The following REC114 variants were observed in gnomAD, a reference collection of about 807,000 sequenced individuals.
REC114 encodes the protein meiotic recombination protein REC114.
REC114 carries 27 observed loss-of-function variants against 31.3 expected under a neutral mutation model. That is an observed-to-expected ratio of 0.86 (90% CI 0.64 to 1.19). The LOEUF is 1.19. Ranked by LOEUF, REC114 falls within the 50% of genes most tolerant of loss-of-function variation. REC114 has a pLI of 0.00. For missense variants in REC114, 344 were observed against 326.9 expected (o/e 1.05, Z -0.40); for synonymous variants, 134 against 127.7 (o/e 1.05, Z -0.33).
chr15:73,454,218 T>C (rs1892888479), intron 1 of REC114, among the ~76,000 whole-genome samples: 1 of 152,130 alleles, frequency 6.6e-6, no homozygotes, highest in African/African-American at 2.4e-5. Flanking sequence ...GGTTTATCAG[T>C]GCTAAAGAGA....
chr15:73,443,262 A>G lies in REC114; in HGVS notation c.77A>G (p.Tyr26Cys). The G allele has an allele frequency of 6.4e-7, 1 of 1,574,624 alleles. No individual in the cohort carries two copies. Among genetic ancestry groups the G allele is most frequent in the South Asian group, 1.2e-5 (1 of 85,574 alleles). ...GEAAEWPLQR[Y>C]ARCIPSNTRD... ...GCGGCAGAGTGGCCTCTGCAGCGGT[A>G]CGCCCGCTGCATACCCTCAAACACC... The change falls in exon 1 of 6, where the codon TAC (tyrosine) becomes TGC (cysteine). Residue 26 changes from tyrosine (Y) to cysteine (C), a missense_variant. Coordinates refer to ENST00000331090, the MANE Select transcript of REC114 (RefSeq NM_001042367.2).
intron 2 of REC114, among the ~76,000 whole-genome samples, chr15:73,506,802 C>T (rs1207913814): frequency 6.6e-6 from 1 of 152,104 alleles, no homozygotes; most frequent in Admixed American, 6.6e-5. Flanking sequence ...AGAGAAGGTA[C>T]TTGTATAAAT....
chr15:73,506,511 T>C (rs1356826556), intron 2 of REC114, among the ~76,000 whole-genome samples: 2 of 152,188 alleles, frequency 1.3e-5, no homozygotes, highest in Non-Finnish European at 2.9e-5. Context: ...TGAATGCAAG[T>C]AGAAGTGCTA....
At chr15:73,477,458 C>T (rs545869522) in intron 2 of REC114, among the ~76,000 whole-genome samples, 1 of 152,230 alleles carries the variant, frequency 6.6e-6, no homozygotes, top group South Asian at 2.1e-4. Context: ...GCCCTGTTAC[C>T]TAGGCTGGAG....
intron 1 of REC114, among the ~76,000 whole-genome samples, chr15:73,447,291 G>T (rs1385218145): frequency 6.6e-6 from 1 of 152,202 alleles, no homozygotes; most frequent in Non-Finnish European, 1.5e-5. Context: ...GAGATGTAAA[G>T]GTGTGAGTCA....
intron 4 of REC114, among the ~76,000 whole-genome samples, chr15:73,555,642 A>AG (rs1392209005): frequency 6.6e-6 from 1 of 152,138 alleles, no homozygotes; most frequent in East Asian, 1.9e-4. Flanking sequence ...GGGCTTCCAG[A>AG]GGGCAGGACT....
Position 73,559,732 on chromosome 15 carries a change from C to G in REC114, c.637-20C>G, listed in dbSNP as rs1281255788. On this transcript the variant is annotated intron_variant, in intron 5 of 5. Transcript: ENST00000331090. Reference sequence around the variant, plus strand: ...TGCTTTTACCTGTAATCTGTAACGACTTTTCTGGTATCCCTGCAGACTCTT... The same window carrying G: ...TGCTTTTACCTGTAATCTGTAACGAGTTTTCTGGTATCCCTGCAGACTCTT... 6.6e-7 allele frequency: 1 copy of G among 1,524,084 alleles called. No individual in the cohort carries two copies. The allele number at this position is 1,524,084 out of a possible 1,614,324, so 94.4% of individuals were successfully genotyped here.
intron 5 of REC114, among the ~76,000 whole-genome samples, chr15:73,557,847 G>A (rs1894493910): frequency 1.3e-5 from 2 of 152,182 alleles, no homozygotes. Context: ...GTCATTCTAT[G>A]TAAGTTGGTA....
intron 2 of REC114, among the ~76,000 whole-genome samples, chr15:73,497,929 C>G (rs186277776): frequency 1.3e-5 from 2 of 152,232 alleles, no homozygotes; most frequent in African/African-American, 4.8e-5. Context: ...TTACTGAATT[C>G]CCTAGAATAT....
At chr15:73,558,568 T>G (rs1241378212) in intron 5 of REC114, among the ~76,000 whole-genome samples, 1 of 152,210 alleles carries the variant, frequency 6.6e-6, no homozygotes, top group Non-Finnish European at 1.5e-5. Flanking sequence ...TCAACATTAT[T>G]AGTCATTAGG....
chr15:73,479,972 A>G (rs536733928), intron 2 of REC114, among the ~76,000 whole-genome samples: 8 of 152,306 alleles, frequency 5.3e-5, no homozygotes, highest in African/African-American at 1.9e-4. Flanking sequence ...TTGCTGGATC[A>G]TATGGTAATT....
intron 1 of REC114, among the ~76,000 whole-genome samples, chr15:73,464,775 T>A (rs1191258854): frequency 6.6e-6 from 1 of 152,216 alleles, no homozygotes; most frequent in Non-Finnish European, 1.5e-5. Context: ...GCCTCAGGGC[T>A]CCTTGCTTAG....
At chr15:73,559,682 T>C in intron 5 of REC114, 70 bp from the exon 6 acceptor site, 5 of 1,389,358 alleles carry the variant, frequency 3.6e-6, no homozygotes, top group Non-Finnish European at 3.8e-6. Context: ...AAGCACTATT[T>C]GCCTGTGTTC....
intron 1 of REC114, among the ~76,000 whole-genome samples, chr15:73,467,559 A>G (rs558178804): frequency 3.2e-4 from 49 of 152,324 alleles, no homozygotes; most frequent in African/African-American, 7.2e-4. Flanking sequence ...GAGACTTTCT[A>G]TGTCTTTTTT....
intron 1 of REC114, among the ~76,000 whole-genome samples, chr15:73,457,970 A>G (rs1176319489): frequency 6.6e-6 from 1 of 152,218 alleles, no homozygotes; most frequent in Non-Finnish European, 1.5e-5. Context: ...ACTGGAGCCA[A>G]GATTCCTCCT....
chr15:73,557,062 ATTTT>A (rs56187612), intron 5 of REC114, among the ~76,000 whole-genome samples: 1 of 137,106 alleles, frequency 7.3e-6, no homozygotes. Context: ...TTCAAGTATG[ATTTT>A]TTTTTTTTTT....
chr15:73,488,616 A>G (rs1893404811), intron 2 of REC114, among the ~76,000 whole-genome samples: 1 of 152,242 alleles, frequency 6.6e-6, no homozygotes, highest in Admixed American at 6.5e-5. Context: ...CCATTGTATA[A>G]CAAGAATGGC....
intron 2 of REC114, among the ~76,000 whole-genome samples, chr15:73,516,574 G>C (rs1893860170): frequency 6.6e-6 from 1 of 152,102 alleles, no homozygotes. Flanking sequence ...GATGAATGCG[G>C]TACTCCATGC....
intron 2 of REC114, among the ~76,000 whole-genome samples, chr15:73,509,178 C>A (rs1359880915): frequency 6.6e-6 from 1 of 152,104 alleles, no homozygotes; most frequent in East Asian, 1.9e-4. Flanking sequence ...TTTTGATTTG[C>A]GTTTCTCTGA....
Sources: allele counts gnomAD v4.1 joint callset (sites outside exome capture counted in the v4.1 genomes callset), GRCh38; gene constraint gnomAD v4.1.1; transcripts MANE v1.5; gene names NCBI Gene and HGNC (gene_info 2026-07-23, HGNC 2026-07-21).